The following RBFOX2 variants were observed in gnomAD, a reference collection of about 807,000 sequenced individuals.
RBFOX2 encodes the protein RNA binding fox-1 homolog 2.
Under a neutral mutation model 49.1 loss-of-function variants are expected in RBFOX2, and 10 were observed. That is an observed-to-expected ratio of 0.20 (90% CI 0.13 to 0.35). The LOEUF (loss-of-function observed/expected upper bound fraction) is 0.35. Among genes scored for constraint, RBFOX2 ranks in the 10% least tolerant of loss-of-function variants. RBFOX2 has a pLI of 1.00. For synonymous variants in RBFOX2, 183 were observed against 187.4 expected (o/e 0.98, Z 0.19); for missense variants, 323 against 486.9 (o/e 0.66, Z 3.17).
chr22:35,884,272 C>T (rs942644339), intron 1 of RBFOX2, among the ~76,000 whole-genome samples: 1 of 152,170 alleles, frequency 6.6e-6, no homozygotes, highest in Non-Finnish European at 1.5e-5. Context: ...GCTGGGATTA[C>T]AGATGTGAGC....
intron 1 of RBFOX2, among the ~76,000 whole-genome samples, chr22:35,971,084 C>T (rs1483236176): frequency 5.3e-5 from 8 of 152,074 alleles, no homozygotes; most frequent in African/African-American, 1.9e-4. Flanking sequence ...CAAAAAAATC[C>T]TCTTTTAAGC....
At chr22:35,855,551 G>A (rs190457080) in intron 1 of RBFOX2, among the ~76,000 whole-genome samples, 20 of 152,126 alleles carry the variant, frequency 1.3e-4, no homozygotes, top group Admixed American at 2.6e-4. Flanking sequence ...AACTACAGGC[G>A]CATGTCATGG....
intron 1 of RBFOX2, among the ~76,000 whole-genome samples, chr22:35,948,419 C>T (rs2054554906): frequency 6.6e-6 from 1 of 152,072 alleles, no homozygotes; most frequent in Admixed American, 6.5e-5. Flanking sequence ...AAAATTCTGG[C>T]CAGGCACAGT....
intron 1 of RBFOX2, among the ~76,000 whole-genome samples, chr22:35,887,310 G>C (rs1001624966): frequency 6.6e-6 from 1 of 151,962 alleles, no homozygotes; most frequent in Non-Finnish European, 1.5e-5. Context: ...CCTCATACCT[G>C]AACAACTACA....
chr22:35,839,856 CT>C (rs781179479), intron 1 of RBFOX2, among the ~76,000 whole-genome samples: 3 of 152,208 alleles, frequency 2.0e-5, no homozygotes, highest in Non-Finnish European at 4.4e-5. Flanking sequence ...ACAAGAATCT[CT>C]TCCTACCTCT....
chr22:35,806,520 G>A (rs1209069992), intron 2 of RBFOX2, among the ~76,000 whole-genome samples: 1 of 152,098 alleles, frequency 6.6e-6, no homozygotes, highest in South Asian at 2.1e-4. Context: ...AGTCAAAGAT[G>A]TAATTCCTTG....
At chr22:35,936,404 C>T (rs2053077811) in intron 1 of RBFOX2, among the ~76,000 whole-genome samples, 1 of 152,130 alleles carries the variant, frequency 6.6e-6, no homozygotes, top group Admixed American at 6.5e-5. Flanking sequence ...CAGTGTTTCA[C>T]GCTGATAAAT....
intron 2 of RBFOX2, among the ~76,000 whole-genome samples, chr22:35,808,128 C>T (rs1437151890): frequency 6.6e-6 from 1 of 151,944 alleles, no homozygotes; most frequent in African/African-American, 2.4e-5. Flanking sequence ...TTCTTTTTCA[C>T]TTCTTTAATT....
chr22:35,864,664 C>G (rs1311043222), intron 1 of RBFOX2, among the ~76,000 whole-genome samples: 1 of 152,160 alleles, frequency 6.6e-6, no homozygotes, highest in Non-Finnish European at 1.5e-5. Flanking sequence ...ATGAAAGAAA[C>G]AGAGCACAAG....
At chr22:35,774,581 A>G (rs1943447978) in intron 4 of RBFOX2, among the ~76,000 whole-genome samples, 1 of 152,162 alleles carries the variant, frequency 6.6e-6, no homozygotes, top group Admixed American at 6.5e-5. Context: ...ACGTGTGTGC[A>G]CAAATATGAT....
chr22:35,873,619 G>A (rs1199368744), intron 1 of RBFOX2, among the ~76,000 whole-genome samples: 1 of 152,112 alleles, frequency 6.6e-6, no homozygotes, highest in Non-Finnish European at 1.5e-5. Flanking sequence ...TTTACATCCT[G>A]TGAGTCAACT....
chr22:35,768,395 T>C, intron 4 of RBFOX2, 46 bp from the exon 6 acceptor site: 2 of 1,476,042 alleles, frequency 1.4e-6, no homozygotes, highest in Non-Finnish European at 1.9e-6. Context: ...ATCGTTATAT[T>C]GAAATACTGA....
intron 1 of RBFOX2, among the ~76,000 whole-genome samples, chr22:35,960,943 G>A (rs1225097359): frequency 6.6e-6 from 1 of 151,946 alleles, no homozygotes; most frequent in Non-Finnish European, 1.5e-5. Context: ...TGGATGCACA[G>A]GTTCTGTTAT....
intron 1 of RBFOX2, among the ~76,000 whole-genome samples, chr22:35,826,814 C>G (rs1019825595): frequency 6.6e-6 from 1 of 152,076 alleles, no homozygotes; most frequent in South Asian, 2.1e-4. Flanking sequence ...AGATTAACAA[C>G]AATACTAATA....
intron 1 of RBFOX2, among the ~76,000 whole-genome samples, chr22:35,857,517 C>T (rs866632088): frequency 1.3e-5 from 2 of 152,258 alleles, no homozygotes; most frequent in Middle Eastern, 6.8e-3. Context: ...AAATCTGAAG[C>T]ATAAACTGGT....
At chr22:35,843,642 C>T (rs78735297), upstream of RBFOX2, among the ~76,000 whole-genome samples, 534 of 152,130 alleles carry the variant, frequency 3.5e-3, 1 homozygote, top group African/African-American at 0.011. Context: ...AAAATGATAC[C>T]AGTCTTTCTT....
intron 1 of RBFOX2, among the ~76,000 whole-genome samples, chr22:35,913,887 G>A (rs933784632): frequency 1.3e-5 from 2 of 152,084 alleles, no homozygotes; most frequent in Non-Finnish European, 2.9e-5. Flanking sequence ...TGGCTATAAA[G>A]GACGGGAATT....
chr22:36,020,446 T>A (rs1475869033), intron 1 of RBFOX2, among the ~76,000 whole-genome samples: 1 of 152,096 alleles, frequency 6.6e-6, no homozygotes, highest in Non-Finnish European at 1.5e-5. Context: ...GAAACCACCA[T>A]CAGAGTGAAC....
intron 5 of RBFOX2, among the ~76,000 whole-genome samples, chr22:35,767,555 A>C (rs1602392184): frequency 6.6e-6 from 1 of 152,212 alleles, no homozygotes; most frequent in East Asian, 1.9e-4. Flanking sequence ...GGAGCCAGTT[A>C]ACCTTCGATG....
Sources: gnomAD v4.1 joint callset for allele counts (sites outside exome capture counted in the v4.1 genomes callset) on GRCh38, gnomAD v4.1.1 for gene constraint, MANE v1.5 for transcripts, NCBI Gene and HGNC (gene_info 2026-07-23, HGNC 2026-07-21) for gene names.